Variants in STK39 observed in about 807,000 individuals in gnomAD.
STK39 encodes serine/threonine kinase 39.
STK39 carries 20 observed loss-of-function variants against 77.8 expected under a neutral mutation model. The observed-to-expected ratio is 0.26, with a 90% CI of 0.18 to 0.37. The LOEUF (loss-of-function observed/expected upper bound fraction) is 0.37. Among genes scored for constraint, STK39 ranks in the 10% least tolerant of loss-of-function variants. The probability of loss-of-function intolerance (pLI) is 1.00; values close to 1 mark genes in which losing one functional copy is unlikely to be tolerated. For missense variants in STK39, 479 were observed against 656.5 expected (o/e 0.73, Z 2.95); for synonymous variants, 246 against 234.1 (o/e 1.05, Z -0.47).
intron 5 of STK39, among the ~76,000 whole-genome samples, chr2:168,151,665 G>A (rs1313724744): frequency 2.7e-5 from 4 of 150,898 alleles, no homozygotes; most frequent in Non-Finnish European, 5.9e-5. Flanking sequence ...CTTGAACCCA[G>A]GAGGTGGAGG....
At chr2:168,126,026 A>C (rs1687531677) in intron 10 of STK39, among the ~76,000 whole-genome samples, 1 of 152,176 alleles carries the variant, frequency 6.6e-6, no homozygotes, top group Non-Finnish European at 1.5e-5. Flanking sequence ...GCACATTGAA[A>C]ATTATCTCTT....
At chr2:168,214,316 T>G (rs1483588913) in intron 1 of STK39, among the ~76,000 whole-genome samples, 1 of 151,944 alleles carries the variant, frequency 6.6e-6, no homozygotes, top group African/African-American at 2.4e-5. Flanking sequence ...AAATTAGATC[T>G]CAATAAAGAT....
intron 1 of STK39, among the ~76,000 whole-genome samples, chr2:168,190,195 A>G (rs1689305925): frequency 6.6e-6 from 1 of 152,178 alleles, no homozygotes; most frequent in African/African-American, 2.4e-5. Flanking sequence ...GTGTTGGCTA[A>G]GTGAATGGAA....
At chr2:168,076,688 T>TA (rs1242681003) in intron 10 of STK39, among the ~76,000 whole-genome samples, 15 of 151,998 alleles carry the variant, frequency 9.9e-5, no homozygotes, top group South Asian at 2.1e-4. Flanking sequence ...CATTTTTTTT[T>TA]AAAAAAAGCT....
intron 5 of STK39, among the ~76,000 whole-genome samples, chr2:168,155,751 T>C (rs1312421088): frequency 6.6e-6 from 1 of 152,232 alleles, no homozygotes; most frequent in African/African-American, 2.4e-5. Flanking sequence ...GCCTTTAAAA[T>C]ATGCAGTAGT....
rs993539520 is a variant in STK39, at chr2:168,038,976, A to G, written c.1377-21881T>C. On this transcript the variant is annotated intron_variant, in intron 14 of 17. Coordinates refer to ENST00000355999, the MANE Select transcript of STK39 (RefSeq NM_013233.3). ...TGTAAAATGGAAAATCCACTTTGCAAAACTCCTTAAAAAGTTAAACACACA... is the reference window on the plus strand; with the variant it reads ...TGTAAAATGGAAAATCCACTTTGCAGAACTCCTTAAAAAGTTAAACACACA... 2.0e-5 allele frequency among the ~76,000 whole-genome samples: 3 copies of G among 152,316 alleles called. 1 individual carries two copies. The highest frequency in any genetic ancestry group is 6.8e-3 in the Middle Eastern group (2 of 294).
intron 5 of STK39, 102 bp from the exon 6 acceptor site, chr2:168,140,860 G>C (rs966103897): frequency 3.2e-6 from 3 of 936,150 alleles, no homozygotes; most frequent in Middle Eastern, 2.7e-4. Flanking sequence ...TTACAGTGGT[G>C]ATGAACTATT....
rs190746922 is a variant in STK39 at position 168,162,371 on chromosome 2, G to C, written c.573-529C>G. The stretch of plus-strand genomic sequence containing the variant: ...CTCGTGGGGGAGAGTTAGGATTTTA[G>C]AAAGAAATATTTTCTATGAAATAAT... On this transcript the variant is annotated intron_variant, in intron 4 of 17. Transcript: ENST00000355999. Among the ~76,000 whole-genome samples, 190 of 146,416 alleles carry C rather than the reference G, an allele frequency of 1.3e-3. 3 individuals carry two copies. Among genetic ancestry groups the C allele is most frequent in the East Asian group, 6.1e-4 (3 of 4,880 alleles).
intron 16 of STK39, among the ~76,000 whole-genome samples, chr2:167,970,560 G>A (rs1692306046): frequency 1.3e-5 from 2 of 152,312 alleles, no homozygotes; most frequent in South Asian, 4.1e-4. Flanking sequence ...TTCCTGTTTT[G>A]GAAAGTTTCT....
chr2:167,984,605 T>A (rs957504470), intron 16 of STK39, among the ~76,000 whole-genome samples: 5 of 152,154 alleles, frequency 3.3e-5, no homozygotes, highest in African/African-American at 7.2e-5. Context: ...GGAGTTTTAA[T>A]AGGACACTGG....
At chr2:168,200,440 G>T (rs1383008287) in intron 1 of STK39, among the ~76,000 whole-genome samples, 1 of 152,062 alleles carries the variant, frequency 6.6e-6, no homozygotes, top group African/African-American at 2.4e-5. Flanking sequence ...TGAGGCAGGT[G>T]GATTGCTTGA....
chr2:167,956,696 A>ACACACACACACACACACC lies in STK39; in HGVS notation c.1564-1127_1564-1126insGGTGTGTGTGTGTGTGTG, dbSNP rs776309488. Among the ~76,000 whole-genome samples, 5 of 49,012 alleles carry ACACACACACACACACACC rather than the reference A, an allele frequency of 1.0e-4. 1 individual carries two copies. The highest frequency in any genetic ancestry group is 3.9e-4 in the East Asian group (1 of 2,546). 32.2% of individuals were successfully genotyped at this position (49,012 alleles called of 152,430 possible). ...CACACACACACACACACACACACAC[A>ACACACACACACACACACC]CTCTCTCTCTCTCTCTCTCTCTCTC... On this transcript the variant is annotated intron_variant, in intron 17 of 17. Transcript: ENST00000355999.
intron 10 of STK39, among the ~76,000 whole-genome samples, chr2:168,077,384 T>G (rs1686107923): frequency 6.6e-6 from 1 of 152,178 alleles, no homozygotes; most frequent in Admixed American, 6.5e-5. Context: ...AAATGGCCCA[T>G]TTTCTCCCAT....
At chr2:168,174,047 A>C (rs1688894684) in intron 2 of STK39, among the ~76,000 whole-genome samples, 1 of 152,242 alleles carries the variant, frequency 6.6e-6, no homozygotes, top group Non-Finnish European at 1.5e-5. Context: ...ATCTGAGTTT[A>C]ACCAAGTATA....
At chr2:168,226,087 G>C (rs1238683640) in intron 1 of STK39, among the ~76,000 whole-genome samples, 1 of 152,158 alleles carries the variant, frequency 6.6e-6, no homozygotes, top group Non-Finnish European at 1.5e-5. Flanking sequence ...TGACAGAGAA[G>C]ACATGCACAG....
Position 168,114,350 on chromosome 2 carries a change from T to G in STK39, c.1089+15191A>C, listed in dbSNP as rs554412786. ...ATTTAAATACTTCCTTATGCTCACT[T>G]GTATAATACACAACTCCTTCCTTAC... On this transcript the variant is annotated intron_variant, in intron 10 of 17. Coordinates refer to ENST00000355999, the MANE Select transcript of STK39 (RefSeq NM_013233.3). Among the ~76,000 whole-genome samples the G allele has an allele frequency of 9.2e-5, 14 of 152,338 alleles. No homozygotes were observed. In the South Asian group the frequency reaches 2.9e-3, roughly 32 times the overall value.
rs1267669744 is a variant in STK39, at chr2:168,055,532, T to C, written c.1376+7968A>G. On this transcript the variant is annotated intron_variant, in intron 14 of 17. Coordinates refer to ENST00000355999, the MANE Select transcript of STK39 (RefSeq NM_013233.3). ...GGGGTCTTCAACTGGTCCCTCAAGG[T>C]CCAATGATACTGCTACATAATAACA... 3.9e-5 allele frequency among the ~76,000 whole-genome samples: 6 copies of C among 152,296 alleles called. No homozygotes were observed. In the East Asian group the frequency reaches 9.6e-4, roughly 24 times the overall value.
chr2:168,128,626 C>T (rs1687605375), intron 10 of STK39, among the ~76,000 whole-genome samples: 1 of 152,190 alleles, frequency 6.6e-6, no homozygotes, highest in Non-Finnish European at 1.5e-5. Context: ...CTGTTTAAAA[C>T]AATTCTAAAG....
rs535946357 is a variant in STK39, at chr2:168,241,305, A to G, written c.208+5923T>C. On this transcript the variant is annotated intron_variant, in intron 1 of 17. Transcript: ENST00000355999. ...GGGACACACAGGGAGCGTTTCTTTT[A>G]GTCAGCAGCATTTCCTGCCAGCATG... Among the ~76,000 whole-genome samples the G allele has an allele frequency of 2.0e-5, 3 of 152,338 alleles. No homozygotes were observed. The East Asian group carries it at 5.8e-4, about 29-fold the overall frequency.
Sources: allele counts gnomAD v4.1 joint callset (sites outside exome capture counted in the v4.1 genomes callset), GRCh38; gene constraint gnomAD v4.1.1; transcripts MANE v1.5; gene names NCBI Gene and HGNC (gene_info 2026-07-23, HGNC 2026-07-21).